Variants in ZMAT4 observed in about 807,000 individuals in gnomAD.
ZMAT4 encodes the protein zinc finger matrin-type 4.
A neutral mutation model predicts 28.7 loss-of-function variants in ZMAT4; 17 were observed. That is an observed-to-expected ratio of 0.59 (90% CI 0.41 to 0.89). The LOEUF (loss-of-function observed/expected upper bound fraction) is 0.89, where lower values mean the gene tolerates loss of function less well. Among genes scored for constraint, ZMAT4 ranks in the 40% least tolerant of loss-of-function variants. The probability of loss-of-function intolerance (pLI) is 0.00; values close to 1 mark genes in which losing one functional copy is unlikely to be tolerated. For missense variants in ZMAT4, 240 were observed against 283.8 expected (o/e 0.85, Z 1.11); for synonymous variants, 117 against 109.2 (o/e 1.07, Z -0.44).
At chr8:40,747,792 A>G (rs1585986220) in intron 3 of ZMAT4, among the ~76,000 whole-genome samples, 1 of 152,192 alleles carries the variant, frequency 6.6e-6, no homozygotes, top group South Asian at 2.1e-4. Context: ...TAATTCTAGG[A>G]TGTGACATCA....
intron 1 of ZMAT4, among the ~76,000 whole-genome samples, chr8:40,831,121 T>A (rs1014359315): frequency 2.0e-5 from 3 of 152,180 alleles, no homozygotes; most frequent in Non-Finnish European, 2.9e-5. Context: ...TGCATTGAAA[T>A]CATAGCTTTT....
At chr8:40,587,521 T>G (rs1218932579) in intron 5 of ZMAT4, among the ~76,000 whole-genome samples, 1 of 152,140 alleles carries the variant, frequency 6.6e-6, no homozygotes, top group African/African-American at 2.4e-5. Context: ...AACAATATTG[T>G]TGAAAGACTA....
In ZMAT4 at chr8:40,764,791, T is replaced by C. The variant is rs540209594; in HGVS notation, c.192+2850A>G. 9.2e-5 allele frequency among the ~76,000 whole-genome samples: 14 copies of C among 152,256 alleles called. 1 individual carries two copies. The South Asian group carries it at 1.7e-3, about 18-fold the overall frequency. On this transcript the variant is annotated intron_variant, in intron 3 of 6. Coordinates refer to ENST00000297737, the MANE Select transcript of ZMAT4 (RefSeq NM_024645.3). ...CAAAATGCTAAATAAATATGACTTA[T>C]GTCAGTTGGGCCTTATGAAAAATCT...
chr8:40,674,425 G>A, intron 5 of ZMAT4: 1 of 376,412 alleles, frequency 2.7e-6, no homozygotes, highest in Non-Finnish European at 4.8e-6. Flanking sequence ...GGCAGTTAAA[G>A]ATAAAGCAGA....
intron 5 of ZMAT4, among the ~76,000 whole-genome samples, chr8:40,648,458 G>T (rs372807154): frequency 4.0e-5 from 6 of 151,486 alleles, no homozygotes; most frequent in South Asian, 2.1e-4. Context: ...TTGGTGTACC[G>T]GAAAGTGATG....
intron 2 of ZMAT4, chr8:40,786,886 T>G: frequency 2.5e-6 from 1 of 408,138 alleles, no homozygotes; most frequent in Non-Finnish European, 4.4e-6. Context: ...GAATGTAATT[T>G]TGGATTCAGT....
chr8:40,669,467 C>T (rs1808580262), intron 5 of ZMAT4, among the ~76,000 whole-genome samples: 2 of 151,846 alleles, frequency 1.3e-5, no homozygotes, highest in African/African-American at 4.8e-5. Context: ...CTCCTTCCAC[C>T]TTTTCCACCG....
chr8:40,685,467 G>A (rs4576415), intron 4 of ZMAT4, among the ~76,000 whole-genome samples: 94,258 of 151,994 alleles, frequency 0.62, 29,627 homozygotes, highest in East Asian at 0.82. Context: ...AGCCTACTTA[G>A]AGCCTGAATT....
At chr8:40,786,619 C>T (rs1472282053) in intron 2 of ZMAT4, 5 of 1,124,708 alleles carry the variant, frequency 4.4e-6, no homozygotes, top group Admixed American at 2.9e-5. Context: ...CTTGTGAAAT[C>T]TCAGCATCTC....
At chr8:40,558,817 G>A (rs965472491) in intron 6 of ZMAT4, among the ~76,000 whole-genome samples, 1 of 151,938 alleles carries the variant, frequency 6.6e-6, no homozygotes, top group African/African-American at 2.4e-5. Context: ...AGGATGAGAG[G>A]TCAGATATGC....
chr8:40,676,241 A>G (rs1808903397), intron 4 of ZMAT4, among the ~76,000 whole-genome samples: 2 of 152,176 alleles, frequency 1.3e-5, no homozygotes, highest in South Asian at 2.1e-4. Context: ...ATACTTTCCC[A>G]AGGATCCTTT....
chr8:40,595,464 T>C (rs541670674), intron 5 of ZMAT4, among the ~76,000 whole-genome samples: 29 of 152,188 alleles, frequency 1.9e-4, no homozygotes, highest in Non-Finnish European at 4.3e-4. Flanking sequence ...AATTTTGTTG[T>C]GTGAACATCA....
intron 1 of ZMAT4, among the ~76,000 whole-genome samples, chr8:40,889,526 G>A (rs564372511): frequency 1.2e-4 from 18 of 152,256 alleles, no homozygotes; most frequent in African/African-American, 4.1e-4. Flanking sequence ...AAAGTCATAT[G>A]TTTCCCAAAA....
chr8:40,841,803 C>T (rs962049912), intron 1 of ZMAT4, among the ~76,000 whole-genome samples: 13 of 152,220 alleles, frequency 8.5e-5, no homozygotes, highest in African/African-American at 1.9e-4. Flanking sequence ...TAATCTATTG[C>T]TTCCCAGTAG....
At chr8:40,698,378 A>T (rs1401358928) in intron 3 of ZMAT4, among the ~76,000 whole-genome samples, 1 of 152,220 alleles carries the variant, frequency 6.6e-6, no homozygotes. Flanking sequence ...GAAGGGAAGG[A>T]GTAATCCATT....
At chr8:40,774,393 G>T (rs1449533864) in intron 2 of ZMAT4, among the ~76,000 whole-genome samples, 1 of 152,074 alleles carries the variant, frequency 6.6e-6, no homozygotes, top group Non-Finnish European at 1.5e-5. Flanking sequence ...TGCAGAAAAA[G>T]CTAGCACTTG....
intron 4 of ZMAT4, among the ~76,000 whole-genome samples, chr8:40,678,424 C>G (rs1253291767): frequency 6.6e-6 from 1 of 152,122 alleles, no homozygotes. Flanking sequence ...GCTATTATCC[C>G]ACCAGCCTTT....
chr8:40,668,879 G>GT (rs36023323), intron 5 of ZMAT4, among the ~76,000 whole-genome samples: 85,062 of 146,682 alleles, frequency 0.58, 24,658 homozygotes, highest in East Asian at 0.77. Flanking sequence ...CTTTTAAAGT[G>GT]TTTTTTTTTT....
intron 5 of ZMAT4, among the ~76,000 whole-genome samples, chr8:40,627,261 A>T (rs1009645658): frequency 4.6e-5 from 7 of 152,222 alleles, no homozygotes; most frequent in African/African-American, 1.4e-4. Flanking sequence ...CACTAAGCAC[A>T]CTAAGAATGT....
Sources: allele counts gnomAD v4.1 joint callset (sites outside exome capture counted in the v4.1 genomes callset), GRCh38; gene constraint gnomAD v4.1.1; transcripts MANE v1.5; gene names NCBI Gene and HGNC (gene_info 2026-07-23, HGNC 2026-07-21).